MECR: variants seen among roughly 807,000 people sequenced by gnomAD.
MECR encodes the protein enoyl-[acyl-carrier-protein] reductase, mitochondrial.
MECR carries 37 observed loss-of-function variants against 49.1 expected under a neutral mutation model. The observed-to-expected ratio is 0.75, with a 90% CI of 0.58 to 0.99. MECR has a LOEUF of 0.99. Ranked by LOEUF, MECR falls within the 50% of genes least tolerant of loss-of-function variation. MECR has a pLI of 0.00. For synonymous variants in MECR, 198 were observed against 191.1 expected, an observed-to-expected ratio of 1.04 and a Z score of -0.30; for missense variants, 470 against 479.6, an observed-to-expected ratio of 0.98 and a Z score of 0.19.
chr1:29,209,786 A>C (rs1441443754), intron 3 of MECR, among the ~76,000 whole-genome samples: 1 of 152,176 alleles, frequency 6.6e-6, no homozygotes, highest in Non-Finnish European at 1.5e-5. Context: ...TTGTTGGCTC[A>C]GCATCTGGTC....
the MECR span, among the ~76,000 whole-genome samples, chr1:29,182,615 C>T: frequency 1.3e-5 from 2 of 152,054 alleles, no homozygotes; most frequent in Non-Finnish European, 2.9e-5. Context: ...GCGACCTCAG[C>T]TCACTGCAAC....
the MECR span, among the ~76,000 whole-genome samples, chr1:29,167,747 C>T: frequency 6.6e-6 from 1 of 152,208 alleles, no homozygotes; most frequent in African/African-American, 2.4e-5. Flanking sequence ...TGATTATGAG[C>T]TCTTCACTAA....
chr1:29,222,223 A>G (rs1007883104), intron 1 of MECR, among the ~76,000 whole-genome samples: 2 of 152,054 alleles, frequency 1.3e-5, no homozygotes, highest in Non-Finnish European at 2.9e-5. Context: ...CCTCCTGAGT[A>G]GCTGGGATTA....
At chr1:29,183,866 T>G in the MECR span, among the ~76,000 whole-genome samples, 2 of 148,866 alleles carry the variant, frequency 1.3e-5, no homozygotes, top group African/African-American at 5.0e-5. Flanking sequence ...ATTTTTAAAT[T>G]TTTATTTATT....
At chr1:29,177,509 T>G in the MECR span, among the ~76,000 whole-genome samples, 2 of 152,194 alleles carry the variant, frequency 1.3e-5, no homozygotes, top group African/African-American at 4.8e-5. Context: ...CTTGAACTTA[T>G]GACCTTGGGT....
chr1:29,214,605 A>AT (rs1678894251), intron 3 of MECR, among the ~76,000 whole-genome samples: 2 of 152,066 alleles, frequency 1.3e-5, no homozygotes, highest in African/African-American at 2.4e-5. Context: ...CAGGTGATCC[A>AT]CCACCTCGGC....
In MECR at chr1:29,203,858, G is replaced by T. The variant is rs117459635; in HGVS notation, c.551-625C>A. ...ATAAAGGTGCACTGCCTTGAAATGG[G>T]ATTACAGCTGCGCTGGAGAAACTGG... On this transcript the variant is annotated intron_variant, in intron 4 of 9. Coordinates refer to ENST00000263702, the MANE Select transcript of MECR (RefSeq NM_016011.5). Among the ~76,000 whole-genome samples the T allele has an allele frequency of 3.9e-5, 6 of 152,372 alleles. No individual in the cohort carries two copies. In the East Asian group the frequency reaches 9.6e-4, roughly 24 times the overall value.
At chr1:29,184,356 T>G in the MECR span, among the ~76,000 whole-genome samples, 3 of 152,108 alleles carry the variant, frequency 2.0e-5, no homozygotes, top group East Asian at 5.8e-4. Context: ...TTTGTATCTT[T>G]AATAGAGACT....
the MECR span, chr1:29,169,611 A>G: frequency 3.3e-5 from 5 of 152,242 alleles, no homozygotes; most frequent in East Asian, 1.9e-4. Flanking sequence ...TAAGAAACTT[A>G]TATCTCAGCA....
Position 29,206,823 on chromosome 1 carries a change from G to T in MECR, c.489C>A (p.Thr163=). ...PSDIPLQSAA[T]LGVNPCTAYR... is the part of the protein sequence containing the mutation. ...AGGCTGTGCAGGGATTGACACCCAG[G>T]GTGGCAGCGCTCTGAAGAGGGATGT... The change falls in exon 4 of 10, where the codon ACC becomes ACA. Residue 163 remains threonine, a synonymous_variant. Coordinates refer to ENST00000263702, the MANE Select transcript of MECR (RefSeq NM_016011.5). The T allele has an allele frequency of 6.2e-7, 1 of 1,614,138 alleles. No individual in the cohort carries two copies. Among genetic ancestry groups the T allele is most frequent in the Non-Finnish European group, 8.5e-7 (1 of 1,180,028 alleles).
intron 3 of MECR, among the ~76,000 whole-genome samples, chr1:29,210,269 C>T (rs1289027622): frequency 1.3e-5 from 2 of 152,148 alleles, no homozygotes; most frequent in Non-Finnish European, 2.9e-5. Flanking sequence ...ATCTTGGCCT[C>T]CCAAAGTGCT....
the MECR span, among the ~76,000 whole-genome samples, chr1:29,167,723 C>T: frequency 6.6e-6 from 1 of 152,144 alleles, no homozygotes; most frequent in African/African-American, 2.4e-5. Flanking sequence ...TGTCTTTGTG[C>T]TTACCTTCTC....
the MECR span, chr1:29,181,817 A>C: frequency 2.2e-6 from 3 of 1,370,952 alleles, no homozygotes; most frequent in Non-Finnish European, 2.9e-6. Flanking sequence ...GGGCAAAGCG[A>C]GAGCACGGCG....
the MECR span, among the ~76,000 whole-genome samples, chr1:29,178,159 C>A: frequency 2.6e-5 from 4 of 152,020 alleles, no homozygotes; most frequent in South Asian, 4.2e-4. Flanking sequence ...CTCGGCCTCC[C>A]AAGGTGATGG....
chr1:29,226,952 CTTTT>C (rs890320572), intron 1 of MECR, among the ~76,000 whole-genome samples: 1 of 99,722 alleles, frequency 1.0e-5, no homozygotes, highest in African/African-American at 3.7e-5. Flanking sequence ...TGGGAACTAT[CTTTT>C]TTTTTTTTTT....
rs565983276 is a variant in MECR, at chr1:29,217,386, TTTA to T, written c.177-704_177-702del. Among the ~76,000 whole-genome samples, 252 of 151,798 alleles carry T rather than the reference TTTA, an allele frequency of 1.7e-3. 8 individuals are homozygous for T. The South Asian group carries it at 0.051, about 31-fold the overall frequency. ...CACCACGCCCGGCTAATTTTATTTA[TTTA>T]TTTTTTTAGTAGAGATGGGGTTTCA... On this transcript the variant is annotated intron_variant, in intron 1 of 9. Coordinates refer to ENST00000263702, the MANE Select transcript of MECR (RefSeq NM_016011.5).
intron 1 of MECR, among the ~76,000 whole-genome samples, chr1:29,222,784 G>A (rs1227241861): frequency 1.3e-5 from 2 of 152,124 alleles, no homozygotes; most frequent in Non-Finnish European, 2.9e-5. Context: ...GGATGGTGTC[G>A]GGGGCTGGCC....
intron 1 of MECR, among the ~76,000 whole-genome samples, chr1:29,226,943 G>C (rs1206227496): frequency 6.6e-6 from 1 of 150,906 alleles, no homozygotes; most frequent in Non-Finnish European, 1.5e-5. Context: ...AAGCGTTTCT[G>C]GGAACTATCT....
chr1:29,188,702 C>T (rs963368170), downstream of MECR, among the ~76,000 whole-genome samples: 13 of 151,892 alleles, frequency 8.6e-5, no homozygotes, highest in South Asian at 6.2e-4. Context: ...TGCTATGGCG[C>T]GATCTTGGCT....
Sources: allele counts gnomAD v4.1 joint callset (sites outside exome capture counted in the v4.1 genomes callset), GRCh38; gene constraint gnomAD v4.1.1; transcripts MANE v1.5; gene names NCBI Gene and HGNC (gene_info 2026-07-23, HGNC 2026-07-21).